The following ADGRD1 variants were observed in gnomAD, a reference collection of about 807,000 sequenced individuals.
ADGRD1 encodes G-protein coupled receptor 133.
Under a neutral mutation model 113.4 loss-of-function variants are expected in ADGRD1, and 77 were observed. The observed-to-expected ratio is 0.68, with a 90% confidence interval of 0.57 to 0.82. The LOEUF (loss-of-function observed/expected upper bound fraction) is 0.82, where lower values mean the gene tolerates loss of function less well. Among genes scored for constraint, ADGRD1 ranks in the 40% least tolerant of loss-of-function variants. The pLI is 0.00. For synonymous variants in ADGRD1, 474 were observed against 475.0 expected, an observed-to-expected ratio of 1.00 and a Z score of 0.03; for missense variants, 1,036 against 1,139.1, an observed-to-expected ratio of 0.91 and a Z score of 1.30.
intron 8 of ADGRD1, among the ~76,000 whole-genome samples, chr12:130,995,630 G>A (rs992989255): frequency 1.3e-5 from 2 of 152,150 alleles, no homozygotes; most frequent in Non-Finnish European, 2.9e-5. Flanking sequence ...CCACCTGTCT[G>A]TAACCGTTAG....
intron 12 of ADGRD1, among the ~76,000 whole-genome samples, chr12:131,007,646 G>A (rs952088113): frequency 6.6e-6 from 1 of 152,202 alleles, no homozygotes; most frequent in East Asian, 1.9e-4. Flanking sequence ...TAACTCTGAC[G>A]TCCCCCTGCA....
At chr12:131,028,541 T>C (rs1375276105) in intron 13 of ADGRD1, among the ~76,000 whole-genome samples, 1 of 152,248 alleles carries the variant, frequency 6.6e-6, no homozygotes, top group Non-Finnish European at 1.5e-5. Context: ...AGTAGTTTCC[T>C]GTGTTACCTG....
intron 24 of ADGRD1, among the ~76,000 whole-genome samples, chr12:131,138,453 G>C (rs976130135): frequency 6.6e-6 from 1 of 152,200 alleles, no homozygotes; most frequent in African/African-American, 2.4e-5. Flanking sequence ...ACCCCGAAGA[G>C]TCAGGGCTTC....
intron 15 of ADGRD1, among the ~76,000 whole-genome samples, chr12:131,086,964 G>A (rs2137226667): frequency 6.6e-6 from 1 of 152,316 alleles, no homozygotes; most frequent in African/African-American, 2.4e-5. Context: ...GGAGTGCAGT[G>A]GTTTGATCAT....
intron 19 of ADGRD1, 50 bp downstream of exon 19, chr12:131,118,501 T>C (rs780160546): frequency 2.0e-5 from 28 of 1,405,616 alleles, no homozygotes; most frequent in Non-Finnish European, 2.8e-5. Context: ...ATGGAACAGC[T>C]TGTGGCGAGA....
chr12:131,040,843 G>A (rs1433810756), intron 13 of ADGRD1, among the ~76,000 whole-genome samples: 2 of 152,248 alleles, frequency 1.3e-5, no homozygotes, highest in Admixed American at 1.3e-4. Context: ...CACTCAGCCT[G>A]CAGGTGACCC....
chr12:131,068,352 TAGAC>T (rs2137120481), intron 13 of ADGRD1, among the ~76,000 whole-genome samples: 1 of 152,258 alleles, frequency 6.6e-6, no homozygotes, highest in South Asian at 2.1e-4. Flanking sequence ...GGCCCAACAT[TAGAC>T]AGACCAGAAT....
At chr12:130,969,881 G>C (rs1871414284) in intron 3 of ADGRD1, 1 of 152,152 alleles carries the variant, frequency 6.6e-6, no homozygotes, top group South Asian at 2.1e-4. Context: ...ACAGACCCAA[G>C]ATGAGACCTT....
intron 13 of ADGRD1, among the ~76,000 whole-genome samples, chr12:131,063,515 G>GA (rs35147621): frequency 1.3e-5 from 2 of 152,022 alleles, no homozygotes; most frequent in Admixed American, 6.6e-5. Context: ...TGTTGAGGGG[G>GA]AAAAAAACTC....
intron 15 of ADGRD1, among the ~76,000 whole-genome samples, chr12:131,104,520 T>C (rs148846436): frequency 2.6e-5 from 4 of 152,242 alleles, no homozygotes; most frequent in Admixed American, 1.3e-4. Context: ...GCCCTGTGTA[T>C]TGCAGTGTAG....
intron 13 of ADGRD1, among the ~76,000 whole-genome samples, chr12:131,054,637 T>C (rs1046802814): frequency 2.0e-5 from 3 of 152,172 alleles, no homozygotes; most frequent in Non-Finnish European, 4.4e-5. Context: ...TTCTGGGCGC[T>C]TCCTTCCTGC....
chr12:131,045,433 CAGG>C (rs1173128867), intron 13 of ADGRD1, among the ~76,000 whole-genome samples: 2 of 152,142 alleles, frequency 1.3e-5, no homozygotes, highest in Admixed American at 1.3e-4. Flanking sequence ...CAAGGGGCTC[CAGG>C]AGGAGAAGAG....
intron 20 of ADGRD1, among the ~76,000 whole-genome samples, chr12:131,131,422 G>A (rs1469692703): frequency 4.6e-5 from 7 of 152,220 alleles, no homozygotes; most frequent in Admixed American, 2.0e-4. Flanking sequence ...TCACACTAAC[G>A]AAGCAAATGC....
chr12:131,026,492 T>C (rs1879973707), intron 13 of ADGRD1: 1 of 152,170 alleles, frequency 6.6e-6, no homozygotes, highest in Non-Finnish European at 1.5e-5. Flanking sequence ...TTTCTGACCG[T>C]GTGGAGCTCC....
At chr12:130,969,037 A>G in intron 3 of ADGRD1, 1 of 1,533,740 alleles carries the variant, frequency 6.5e-7, no homozygotes, top group Non-Finnish European at 8.7e-7. Context: ...GTGTATTCCA[A>G]TGATTCTGCC....
Position 131,131,835 on chromosome 12 carries a change from G to A in ADGRD1, c.2267+19G>A. The A allele has an allele frequency of 6.8e-7, 1 of 1,480,628 alleles. No homozygotes were observed. The highest frequency in any genetic ancestry group is 9.5e-7 in the Non-Finnish European group (1 of 1,058,072). The allele number at this position is 1,480,628 out of a possible 1,614,324, so 91.7% of individuals were successfully genotyped here. On this transcript the variant is annotated intron_variant, in intron 21 of 24. Coordinates refer to ENST00000261654, the MANE Select transcript of ADGRD1 (RefSeq NM_198827.5). ...CCTTCAAGTAAGTTGACCTCAGGCT[G>A]CCAGCAGTGCCACGGCCCTTCTGCC...
chr12:131,108,600 G>A, intron 17 of ADGRD1, 124 bp from the exon 18 acceptor site: 4 of 1,345,348 alleles, frequency 3.0e-6, no homozygotes, highest in Non-Finnish European at 4.2e-6. Flanking sequence ...AGATACCCTG[G>A]GAAGAAACAT....
At chr12:131,103,936 C>T (rs1002408978) in intron 15 of ADGRD1, among the ~76,000 whole-genome samples, 5 of 152,116 alleles carry the variant, frequency 3.3e-5, no homozygotes, top group East Asian at 1.9e-4. Context: ...CTTAGGAGCC[C>T]GGAGCCTCCT....
chr12:131,076,526 G>C (rs1441130867), intron 13 of ADGRD1, among the ~76,000 whole-genome samples: 1 of 152,040 alleles, frequency 6.6e-6, no homozygotes, highest in African/African-American at 2.4e-5. Flanking sequence ...AGCACCCTAT[G>C]GGGAGGCACG....
Sources: allele counts gnomAD v4.1 joint callset (sites outside exome capture counted in the v4.1 genomes callset), GRCh38; gene constraint gnomAD v4.1.1; transcripts MANE v1.5; gene names NCBI Gene and HGNC (gene_info 2026-07-23, HGNC 2026-07-21).